ENO1: variants seen among roughly 807,000 people sequenced by gnomAD.
The protein encoded by ENO1 is alpha-enolase.
A neutral mutation model predicts 46.3 loss-of-function variants in ENO1; 33 were observed. The observed-to-expected ratio is 0.71, with a 90% CI of 0.54 to 0.95. The LOEUF (loss-of-function observed/expected upper bound fraction) is 0.95, where lower values mean the gene tolerates loss of function less well. Among genes scored for constraint, ENO1 ranks in the 40% least tolerant of loss-of-function variants. ENO1 has a pLI of 0.00. For synonymous variants in ENO1, 220 were observed against 216.0 expected, an observed-to-expected ratio of 1.02 and a Z score of -0.16; for missense variants, 488 against 553.3, an observed-to-expected ratio of 0.88 and a Z score of 1.18.
chr1:8,875,307 GAA>G (rs80201810), intron 1 of ENO1, among the ~76,000 whole-genome samples: 66 of 114,566 alleles, frequency 5.8e-4, no homozygotes, highest in African/African-American at 1.9e-3. Context: ...TAAGAAAAAA[GAA>G]AAAAAAAAAA....
At position 8,863,257 on chromosome 1, in the gene ENO1, A is replaced by G. The variant is rs920220427; in HGVS notation, c.1154T>C (p.Val385Ala). The G allele has an allele frequency of 1.2e-6, 2 of 1,614,044 alleles. No individual in the cohort carries two copies. The highest frequency in any genetic ancestry group is 2.7e-5 in the African/African-American group (2 of 74,910). Residue 385 changes from valine (V) to alanine (A), a missense_variant, in exon 10 of 12, where the codon GTT becomes GCT. Physicochemically the swap from Val to Ala is moderately conservative, Grantham distance 64 (BLOSUM62 0). Coordinates refer to ENST00000234590, the MANE Select transcript of ENO1 (RefSeq NM_001428.5). ...ETEDTFIADLVVGLCTGQIKT... is the reference protein window; with the variant it reads ...ETEDTFIADLAVGLCTGQIKT... ...TACCTGCCCAGTGCACAGCCCCACA[A>G]CCAGGTCAGCGATGAAGGTATCTTC...
chr1:8,861,226 A>G lies in ENO1; in HGVS notation c.*134T>C, dbSNP rs571533485. 3.1e-4 allele frequency: 268 copies of G among 861,658 alleles called. 1 individual carries two copies. In the East Asian group the frequency reaches 6.7e-3, roughly 21 times the overall value. The allele number at this position is 861,658 out of a possible 1,614,324, so 53.4% of individuals were successfully genotyped here. A position where few individuals can be genotyped will look rare whatever the true frequency, so the allele number is the denominator to read the frequency against. On this transcript the variant is annotated 3_prime_UTR_variant, in exon 12 of 12. Coordinates refer to ENST00000234590, the MANE Select transcript of ENO1 (RefSeq NM_001428.5). Reference sequence around the variant, plus strand: ...TAGAAGTTCTAAGGAAGCGGTACGAACTCCACGGCGGTGGGGCGCTAACTA... The same window carrying G: ...TAGAAGTTCTAAGGAAGCGGTACGAGCTCCACGGCGGTGGGGCGCTAACTA...
chr1:8,872,378 G>A (rs996645073), intron 2 of ENO1, among the ~76,000 whole-genome samples: 4 of 112,424 alleles, frequency 3.6e-5, no homozygotes, highest in African/African-American at 7.7e-5. Context: ...CATTGAAGAC[G>A]TTCTGGTACT....
chr1:8,867,940 G>T, intron 5 of ENO1, 48 bp downstream of exon 5: 1 of 1,542,788 alleles, frequency 6.5e-7, no homozygotes, highest in Non-Finnish European at 9.0e-7. Context: ...AAATCTTCAG[G>T]AGACTTCATG....
Position 8,864,010 on chromosome 1 carries a change from C to A in ENO1, c.948G>T (p.Val316=). 5 of 1,614,196 alleles carry A rather than the reference C, an allele frequency of 3.1e-6. No homozygotes were observed. The highest frequency in any genetic ancestry group is 4.2e-6 in the Non-Finnish European group (5 of 1,180,042). The change falls in exon 9 of 12, where the codon GTG becomes GTT. Residue 316 remains valine (V), a synonymous_variant. Coordinates refer to ENST00000234590, the MANE Select transcript of ENO1 (RefSeq NM_001428.5). ...KFTASAGIQV[V]GDDLTVTNPK... ...GGTTGGTCACTGTGAGATCATCCCC[C>A]ACTACCTGGATTCCTGCACTGGCTG...
At chr1:8,872,811 T>C (rs1642661286) in intron 2 of ENO1, among the ~76,000 whole-genome samples, 2 of 152,162 alleles carry the variant, frequency 1.3e-5, no homozygotes, top group South Asian at 2.1e-4. Context: ...AACTGGAAAC[T>C]GGCAAACAGG....
Position 8,863,891 on chromosome 1 carries a change from G to C in ENO1, c.1067C>G (p.Ala356Gly). 3 of 1,613,722 alleles carry C rather than the reference G, an allele frequency of 1.9e-6. No homozygotes were observed. Among genetic ancestry groups the C allele is most frequent in the Non-Finnish European group, 2.5e-6 (3 of 1,179,904 alleles). Residue 356 changes from alanine (A) to glycine (G), a missense_variant and splice_region_variant, in exon 9 of 12, where the codon GCG (alanine) becomes GGG (glycine). Physicochemically the swap from Ala to Gly is moderately conservative, Grantham distance 60. Transcript: ENST00000234590. ...QIGSVTESLQ[A>G]CKLAQANGWG... is the part of the protein sequence containing the mutation. The stretch of plus-strand genomic sequence containing the variant: ...GCTGCTCGCCTGGGAAGACACTTAC[G>C]CCTGAAGAGACTCGGTCACGGAGCC...
intron 4 of ENO1, among the ~76,000 whole-genome samples, chr1:8,869,428 A>AT (rs1261231023): frequency 2.5e-5 from 3 of 119,100 alleles, no homozygotes; most frequent in African/African-American, 5.2e-5. Flanking sequence ...GCCTAAACCA[A>AT]CGAGTCAGGG....
Position 8,863,820 on chromosome 1 carries a change from G to C in ENO1, c.1067+71C>G, listed in dbSNP as rs1642453968. Reference sequence around the variant, plus strand: ...TGGCCAGCAGGATTCCCCATCACCAGAACAAAAGGGCCCTTTTCTGATTCA... The same window carrying C: ...TGGCCAGCAGGATTCCCCATCACCACAACAAAAGGGCCCTTTTCTGATTCA... On this transcript the variant is annotated intron_variant, in intron 9 of 11. Transcript: ENST00000234590. The C allele has an allele frequency of 1.9e-6, 3 of 1,540,284 alleles. No individual in the cohort carries two copies. The South Asian group carries it at 3.4e-5, about 17-fold the overall frequency.
At chr1:8,863,009 G>A (rs929980836) in intron 10 of ENO1, 64 bp from the exon 11 acceptor site, 6 of 1,590,328 alleles carry the variant, frequency 3.8e-6, no homozygotes, top group Non-Finnish European at 5.2e-6. Context: ...CTGGCAGGGA[G>A]AGGGTGTGGT....
chr1:8,861,745 T>C (rs999366627), intron 11 of ENO1, among the ~76,000 whole-genome samples: 2 of 152,090 alleles, frequency 1.3e-5, no homozygotes, highest in Admixed American at 6.6e-5. Flanking sequence ...AGCATTGCCA[T>C]TTCTTGGAAT....
At chr1:8,871,558 G>C in intron 3 of ENO1, 1 of 1,077,142 alleles carries the variant, frequency 9.3e-7, no homozygotes. Flanking sequence ...CTGGGAGATG[G>C]GGAAACTTTT....
chr1:8,867,998 T>G lies in ENO1; in HGVS notation c.300A>C (p.Thr100=). 1.9e-6 allele frequency: 3 copies of G among 1,614,118 alleles called. No individual in the cohort carries two copies. The East Asian group carries it at 6.7e-5, about 36-fold the overall frequency. The change falls in exon 5 of 12, where the codon ACA becomes ACC. Residue 100 remains threonine, a synonymous_variant. Coordinates refer to ENST00000234590, the MANE Select transcript of ENO1 (RefSeq NM_001428.5). ...CCTCAGGCCACTCACATTTATTTTC[T>G]GTTCCATCCATCTCGATCATCAGTT... ...IDKLMIEMDG[T]ENKSKFGANA...
intron 7 of ENO1, 177 bp downstream of exon 7, chr1:8,866,102 T>C: frequency 2.2e-6 from 1 of 460,498 alleles, no homozygotes; most frequent in South Asian, 4.3e-5. Flanking sequence ...AAGAAAAAAA[T>C]AAGTAAAATA....
At chr1:8,870,267 A>G in intron 4 of ENO1, 185 bp downstream of exon 4, 1 of 668,990 alleles carries the variant, frequency 1.5e-6, no homozygotes, top group Non-Finnish European at 2.5e-6. Context: ...TCTGCTCCCA[A>G]AAGTGGGGTG....
At chr1:8,861,816 T>G (rs1338255517) in intron 11 of ENO1, among the ~76,000 whole-genome samples, 1 of 140,152 alleles carries the variant, frequency 7.1e-6, no homozygotes, top group African/African-American at 2.7e-5. Context: ...ATAAATGGCA[T>G]GGGGAGAAAA....
rs775697989 is a variant in ENO1, at chr1:8,865,420, T to C, written c.730A>G (p.Met244Val). ...AAGAACTCGGAGGCCGCTACGTCCA[T>C]GCCGATGACCACCTTATCAGTGTAG... is the stretch of plus-strand genomic sequence containing the variant. ...AGYTDKVVIG[M>V]DVAASEFFRS... is the part of the protein sequence containing the mutation. Residue 244 changes from methionine (M) to valine (V), a missense_variant, in exon 8 of 12, where the codon ATG becomes GTG. Met to Val is a conservative substitution (Grantham distance 21). Transcript: ENST00000234590. 1.9e-6 allele frequency: 3 copies of C among 1,614,044 alleles called. No homozygotes were observed. The highest frequency in any genetic ancestry group is 1.1e-5 in the South Asian group (1 of 91,076).
At chr1:8,878,392 GC>G (rs2124119022) in intron 1 of ENO1, 187 bp downstream of exon 1, 1 of 313,984 alleles carries the variant, frequency 3.2e-6, no homozygotes, top group South Asian at 2.3e-5. Flanking sequence ...CTGGCATTGC[GC>G]CCCCGCCCCG....
At chr1:8,863,436 G>C in intron 9 of ENO1, 93 bp from the exon 10 acceptor site, 1 of 1,271,286 alleles carries the variant, frequency 7.9e-7, no homozygotes, top group Non-Finnish European at 1.1e-6. Context: ...CAGGAAAGCA[G>C]TGGAGGGGCT....
Sources: allele counts gnomAD v4.1 joint callset (sites outside exome capture counted in the v4.1 genomes callset), GRCh38; gene constraint gnomAD v4.1.1; transcripts MANE v1.5; gene names NCBI Gene and HGNC (gene_info 2026-07-23, HGNC 2026-07-21).